Variants in TXLNB observed in about 807,000 individuals in gnomAD.
The protein encoded by TXLNB is taxilin beta, also known as beta-taxilin.
A neutral mutation model predicts 57.4 loss-of-function variants in TXLNB; 37 were observed. That is an observed-to-expected ratio of 0.64 (90% CI 0.50 to 0.85). The LOEUF (loss-of-function observed/expected upper bound fraction) is 0.85, where lower values mean the gene tolerates loss of function less well. Ranked by LOEUF, TXLNB falls within the 40% of genes least tolerant of loss-of-function variation. The pLI, the probability that TXLNB is intolerant of heterozygous loss-of-function variation, is 0.00. For synonymous variants in TXLNB, 302 were observed against 309.6 expected, an observed-to-expected ratio of 0.98 and a Z score of 0.26; for missense variants, 848 against 825.6, an observed-to-expected ratio of 1.03 and a Z score of -0.33.
At position 139,244,604 on chromosome 6, in the gene TXLNB, C is replaced by A. The variant is rs759525871; in HGVS notation, c.1257G>T (p.Met419Ile). The A allele has an allele frequency of 6.2e-7, 1 of 1,612,374 alleles. No homozygotes were observed. The highest frequency in any genetic ancestry group is 1.7e-5 in the Admixed American group (1 of 60,012). Reference protein sequence around the residue: ...FENCNKALLDMIEEKALRAKE... With the variant: ...FENCNKALLDIIEEKALRAKE... Reference sequence around the variant, plus strand: ...GGAGAAACTTCCTCACCTCTTCAATCATGTCCAACAGAGCTTTGTTACAGT... The same window carrying A: ...GGAGAAACTTCCTCACCTCTTCAATAATGTCCAACAGAGCTTTGTTACAGT... Residue 419 changes from methionine to isoleucine, a missense_variant, in exon 9 of 10, where the codon ATG becomes ATT. By Grantham distance (10) the Met-to-Ile change is conservative. Coordinates refer to ENST00000358430, the MANE Select transcript of TXLNB (RefSeq NM_153235.4).
chr6:139,229,618 T>C, the TXLNB span, among the ~76,000 whole-genome samples: 1 of 152,322 alleles, frequency 6.6e-6, no homozygotes, highest in African/African-American at 2.4e-5. Flanking sequence ...CCACCATGCC[T>C]GGCCTGTTTA....
At chr6:139,162,349 G>C in the TXLNB span, among the ~76,000 whole-genome samples, 3 of 152,164 alleles carry the variant, frequency 2.0e-5, no homozygotes, top group Non-Finnish European at 4.4e-5. Flanking sequence ...AGCATTTCAT[G>C]TGTATAGTTT....
the TXLNB span, among the ~76,000 whole-genome samples, chr6:139,165,760 ATGTTT>A: frequency 6.6e-6 from 1 of 151,052 alleles, no homozygotes; most frequent in African/African-American, 2.4e-5. Flanking sequence ...TTCTGTCACC[ATGTTT>A]TCTGTCCTTT....
At chr6:139,261,572 A>G (rs1390758002) in intron 5 of TXLNB, among the ~76,000 whole-genome samples, 3 of 152,100 alleles carry the variant, frequency 2.0e-5, no homozygotes, top group African/African-American at 7.2e-5. Context: ...AAAATATATT[A>G]AATATTAAAA....
chr6:139,166,558 G>A, the TXLNB span: 2 of 1,614,154 alleles, frequency 1.2e-6, no homozygotes, highest in East Asian at 2.2e-5. Flanking sequence ...GCTGTGGCCA[G>A]GGCCACTTGA....
chr6:139,298,587 C>T, the TXLNB span, among the ~76,000 whole-genome samples: 1 of 152,072 alleles, frequency 6.6e-6, no homozygotes, highest in Non-Finnish European at 1.5e-5. Context: ...GCAGAGTGTC[C>T]CCTGAGGGTA....
chr6:139,278,104 A>C (rs1776947021), intron 2 of TXLNB, among the ~76,000 whole-genome samples: 2 of 152,344 alleles, frequency 1.3e-5, no homozygotes, highest in South Asian at 4.1e-4. Context: ...AAGGAATTTT[A>C]GGTCTAGAAG....
At chr6:139,260,246 A>T in intron 6 of TXLNB, 72 bp downstream of exon 6, 1 of 1,524,280 alleles carries the variant, frequency 6.6e-7, no homozygotes, top group Non-Finnish European at 8.9e-7. Context: ...AAATAAATAC[A>T]AAACAACTTG....
intron 2 of TXLNB, among the ~76,000 whole-genome samples, chr6:139,277,495 A>AC (rs908283356): frequency 3.9e-5 from 6 of 151,968 alleles, no homozygotes; most frequent in Non-Finnish European, 8.8e-5. Context: ...TTGTACATAA[A>AC]CCCATTCCCT....
chr6:139,290,634 G>C, intron 1 of TXLNB, among the ~76,000 whole-genome samples: 1 of 152,124 alleles, frequency 6.6e-6, no homozygotes, highest in Non-Finnish European at 1.5e-5. Context: ...GTGAGAGATG[G>C]TACTGAGTCA....
At chr6:139,210,767 C>T in the TXLNB span, among the ~76,000 whole-genome samples, 1 of 152,194 alleles carries the variant, frequency 6.6e-6, no homozygotes, top group Non-Finnish European at 1.5e-5. Context: ...CCTGGAAAAT[C>T]GGGTCACTCC....
intron 2 of TXLNB, among the ~76,000 whole-genome samples, chr6:139,280,373 G>A (rs1777017192): frequency 6.6e-6 from 1 of 151,936 alleles, no homozygotes; most frequent in South Asian, 2.1e-4. Context: ...GCATAGTAAT[G>A]ATTGTTTATA....
chr6:139,172,045 G>C, the TXLNB span, among the ~76,000 whole-genome samples: 1 of 152,074 alleles, frequency 6.6e-6, no homozygotes, highest in Non-Finnish European at 1.5e-5. Context: ...TGGCCAGGCT[G>C]GTCTCAAACT....
chr6:139,295,368 A>G (rs1363989573), upstream of TXLNB, among the ~76,000 whole-genome samples: 1 of 152,208 alleles, frequency 6.6e-6, no homozygotes, highest in African/African-American at 2.4e-5. Flanking sequence ...CACAAATTAC[A>G]CGTCTAAGGC....
chr6:139,217,161 T>C, the TXLNB span, among the ~76,000 whole-genome samples: 1 of 152,214 alleles, frequency 6.6e-6, no homozygotes, highest in Non-Finnish European at 1.5e-5. Context: ...GGTGTGTGCC[T>C]GTTCTCCTAG....
At chr6:139,319,164 G>A in the TXLNB span, among the ~76,000 whole-genome samples, 24 of 151,590 alleles carry the variant, frequency 1.6e-4, no homozygotes, top group South Asian at 2.1e-3. Context: ...GGCTGGTCTC[G>A]AACTCCTGAC....
the TXLNB span, among the ~76,000 whole-genome samples, chr6:139,318,128 G>T: frequency 5.3e-5 from 8 of 151,856 alleles, no homozygotes; most frequent in East Asian, 1.6e-3. Flanking sequence ...AAATTAGCTG[G>T]GGGTGGTGGC....
chr6:139,271,165 T>C (rs1184754598), intron 3 of TXLNB, among the ~76,000 whole-genome samples: 3 of 152,212 alleles, frequency 2.0e-5, no homozygotes, highest in Admixed American at 2.0e-4. Context: ...GGATTGTTTA[T>C]GTGTGGGAAA....
At chr6:139,306,274 T>C in the TXLNB span, among the ~76,000 whole-genome samples, 52,690 of 152,064 alleles carry the variant, frequency 0.35, 9,415 homozygotes, top group Middle Eastern at 0.42. Context: ...GCTCCTATTT[T>C]TGAATGCTCC....
Sources: gnomAD v4.1 joint callset for allele counts (sites outside exome capture counted in the v4.1 genomes callset) on GRCh38, gnomAD v4.1.1 for gene constraint, MANE v1.5 for transcripts, NCBI Gene and HGNC (gene_info 2026-07-23, HGNC 2026-07-21) for gene names.